Variants in CBR4 observed in about 807,000 individuals in gnomAD.
CBR4 encodes 3-oxoacyl-[acyl-carrier-protein] reductase.
CBR4 carries 22 observed loss-of-function variants against 21.0 expected under a neutral mutation model. The ratio of observed to expected loss-of-function variants is 1.05; its 90% confidence interval spans 0.75 to 1.50. The LOEUF (loss-of-function observed/expected upper bound fraction) is 1.50. CBR4 is among the 40% of genes most tolerant of loss of function. The probability of loss-of-function intolerance (pLI) is 0.00; values close to 1 mark genes in which losing one functional copy is unlikely to be tolerated. For missense variants in CBR4, 302 were observed against 286.3 expected (o/e 1.05, Z -0.40); for synonymous variants, 100 against 104.4 (o/e 0.96, Z 0.26).
chr4:168,932,754 GA>G (rs1378008454), intron 2 of CBR4, among the ~76,000 whole-genome samples: 6 of 151,872 alleles, frequency 4.0e-5, no homozygotes, highest in Non-Finnish European at 7.4e-5. Context: ...TACAGGCCGG[GA>G]AAAAAAGAAA....
At chr4:168,899,951 C>T (rs1010421748) in intron 2 of CBR4, among the ~76,000 whole-genome samples, 2 of 151,928 alleles carry the variant, frequency 1.3e-5, no homozygotes, top group African/African-American at 4.8e-5. Context: ...ATAGGCTTTA[C>T]TGGCTCACAG....
intron 2 of CBR4, among the ~76,000 whole-genome samples, chr4:168,925,686 A>T (rs1762443110): frequency 1.3e-5 from 2 of 152,206 alleles, no homozygotes; most frequent in Non-Finnish European, 2.9e-5. Flanking sequence ...TTGACATAAA[A>T]AAAACACTAG....
intron 2 of CBR4, among the ~76,000 whole-genome samples, chr4:168,914,549 T>C (rs1759705989): frequency 6.6e-6 from 1 of 152,242 alleles, no homozygotes. Flanking sequence ...GCAATAGAGA[T>C]GCTTTCCATT....
At chr4:168,931,704 G>A (rs1232771754) in intron 2 of CBR4, among the ~76,000 whole-genome samples, 2 of 152,200 alleles carry the variant, frequency 1.3e-5, no homozygotes, top group East Asian at 3.9e-4. Flanking sequence ...CCCCAAGTTG[G>A]TTGACACCGT....
Position 168,894,626 on chromosome 4 carries a change from C to T in CBR4, n.309G>A, listed in dbSNP as rs1335231320. On this transcript the variant is annotated non_coding_transcript_exon_variant, in exon 3 of 4. Coordinates refer to the CBR4 transcript ENST00000509108. ...TGGCTCGTCGACTGCTAGGTGCTGA[C>T]AGTGCAACTGTCTTTAATATTCAGG... is the stretch of plus-strand genomic sequence containing the variant. The T allele has an allele frequency of 5.0e-6, 8 of 1,613,588 alleles. No individual in the cohort carries two copies. Among genetic ancestry groups the T allele is most frequent in the Non-Finnish European group, 6.8e-6 (8 of 1,179,774 alleles).
Position 168,977,380 on chromosome 4 carries a change from A to T in CBR4, n.169+24691T>A, listed in dbSNP as rs139136262. On this transcript the variant is annotated intron_variant and non_coding_transcript_variant, in intron 2 of 3. Coordinates refer to the CBR4 transcript ENST00000509108. The stretch of plus-strand genomic sequence containing the variant: ...CTCCTGATTTTCTACTTACTGCTCC[A>T]ACTAGTCCTTCTTAGACTCCTTTGC... Among the ~76,000 whole-genome samples, 738 of 152,284 alleles carry T rather than the reference A, an allele frequency of 4.8e-3. 7 individuals are homozygous for T. Among genetic ancestry groups the T allele is most frequent in the Admixed American group, 5.5e-3 (84 of 15,298 alleles).
Position 168,989,453 on chromosome 4 carries a change from A to G in CBR4, c.*697T>C, listed in dbSNP as rs1261901949. 2.0e-6 allele frequency: 2 copies of G among 985,310 alleles called. No individual in the cohort carries two copies. Among genetic ancestry groups the G allele is most frequent in the Non-Finnish European group, 2.4e-6 (2 of 829,908 alleles). The allele number at this position is 985,310 out of a possible 1,614,324, so 61.0% of individuals were successfully genotyped here. On this transcript the variant is annotated 3_prime_UTR_variant, in exon 5 of 5. Coordinates refer to ENST00000306193, the MANE Select transcript of CBR4 (RefSeq NM_032783.5). ...GCTCAATCAAGAGAAATACCACTCA[A>G]AGAAATCAATTCTAAATTCATGTCT...
At chr4:168,990,444 A>T (rs187606555) in intron 4 of CBR4, 116 bp from the exon 5 acceptor site, 15,841 of 1,057,080 alleles carry the variant, frequency 0.015, 113 homozygotes, top group Non-Finnish European at 0.018. Flanking sequence ...TTTAAAAAAA[A>T]ATTTTTTTTT....
intron 2 of CBR4, among the ~76,000 whole-genome samples, chr4:168,976,263 T>A (rs746691919): frequency 1.3e-5 from 2 of 152,202 alleles, no homozygotes; most frequent in Non-Finnish European, 2.9e-5. Flanking sequence ...ACGCCAGGAA[T>A]AGCTTCCATG....
chr4:168,998,480 C>A (rs1160607736), intron 4 of CBR4, among the ~76,000 whole-genome samples: 1 of 152,018 alleles, frequency 6.6e-6, no homozygotes, highest in East Asian at 1.9e-4. Context: ...CCAGAATATG[C>A]AAATCTGTAG....
intron 2 of CBR4, among the ~76,000 whole-genome samples, chr4:168,972,040 A>C (rs1412891647): frequency 6.6e-6 from 1 of 152,208 alleles, no homozygotes; most frequent in Non-Finnish European, 1.5e-5. Context: ...TTTGTTGAAT[A>C]GGGTGTGCTT....
chr4:168,962,372 G>A (rs1331068398), intron 2 of CBR4, among the ~76,000 whole-genome samples: 1 of 152,190 alleles, frequency 6.6e-6, no homozygotes, highest in Non-Finnish European at 1.5e-5. Context: ...TCTGGACCAC[G>A]TCAATGGATA....
chr4:168,915,556 T>C (rs1759915348), intron 2 of CBR4, among the ~76,000 whole-genome samples: 1 of 152,230 alleles, frequency 6.6e-6, no homozygotes, highest in Non-Finnish European at 1.5e-5. Flanking sequence ...GTAACTTCTG[T>C]TGAAAAAGAT....
intron 2 of CBR4, chr4:168,915,805 C>A (rs1582149636): frequency 3.1e-6 from 3 of 958,906 alleles, no homozygotes; most frequent in African/African-American, 1.6e-5. Context: ...CATATTATTA[C>A]CCCATGTATT....
chr4:168,940,380 G>C (rs1390447031), intron 2 of CBR4, among the ~76,000 whole-genome samples: 1 of 152,170 alleles, frequency 6.6e-6, no homozygotes, highest in Non-Finnish European at 1.5e-5. Context: ...ACAGGCATGG[G>C]CAAAGACTTC....
At chr4:168,903,428 C>A (rs1194885023) in intron 2 of CBR4, among the ~76,000 whole-genome samples, 1 of 152,076 alleles carries the variant, frequency 6.6e-6, no homozygotes, top group Admixed American at 6.5e-5. Context: ...GAAATAATGG[C>A]ATTCTATGAA....
At chr4:169,008,233 T>C (rs558673045) in intron 1 of CBR4, among the ~76,000 whole-genome samples, 9 of 152,280 alleles carry the variant, frequency 5.9e-5, no homozygotes, top group Admixed American at 2.0e-4. Context: ...GCACATATAT[T>C]ATAACGACTA....
At chr4:168,913,412 C>T (rs571425414) in intron 2 of CBR4, among the ~76,000 whole-genome samples, 51 of 152,206 alleles carry the variant, frequency 3.4e-4, no homozygotes, top group African/African-American at 1.2e-3. Context: ...GCTGGCATTA[C>T]AGGCATGAGC....
Position 168,990,073 on chromosome 4 carries a change from T to G in CBR4, c.*77A>C. The G allele has an allele frequency of 7.2e-7, 1 of 1,388,622 alleles. No homozygotes were observed. Among genetic ancestry groups the G allele is most frequent in the Non-Finnish European group, 9.4e-7 (1 of 1,062,882 alleles). 86.0% of individuals were successfully genotyped at this position (1,388,622 alleles called of 1,614,324 possible). ...AGGTTTGATTAGCACATGTTACCCA[T>G]GTAGGTATAATTGTCTAATCAGTAG... On this transcript the variant is annotated 3_prime_UTR_variant, in exon 5 of 5. Transcript: ENST00000306193.
Sources: allele counts gnomAD v4.1 joint callset (sites outside exome capture counted in the v4.1 genomes callset), GRCh38; gene constraint gnomAD v4.1.1; transcripts MANE v1.5; gene names NCBI Gene and HGNC (gene_info 2026-07-23, HGNC 2026-07-21).